Variants in PTPRQ observed in about 807,000 individuals in gnomAD.
PTPRQ encodes the protein protein tyrosine phosphatase receptor type Q.
In PTPRQ, 199 loss-of-function variants were observed where a neutral mutation model predicts 246.0. The ratio of observed to expected loss-of-function variants is 0.81; its 90% CI spans 0.72 to 0.91. The LOEUF (loss-of-function observed/expected upper bound fraction) is 0.91, where lower values mean the gene tolerates loss of function less well. Ranked by LOEUF, PTPRQ falls within the 40% of genes least tolerant of loss-of-function variation. The probability of loss-of-function intolerance (pLI) is 0.00; values close to 1 mark genes in which losing one functional copy is unlikely to be tolerated. For synonymous variants in PTPRQ, 869 were observed against 853.2 expected (o/e 1.02, Z -0.32); for missense variants, 2,624 against 2,528.4 (o/e 1.04, Z -0.81).
intron 6 of PTPRQ, among the ~76,000 whole-genome samples, chr12:80,466,748 C>G (rs28863626): frequency 0.097 from 14,680 of 152,118 alleles, 1,506 homozygotes; most frequent in African/African-American, 0.25. Flanking sequence ...GAAAAACAAG[C>G]AATGTGGAAA....
chr12:80,464,067 G>C (rs1396508531), intron 6 of PTPRQ, among the ~76,000 whole-genome samples: 3 of 151,874 alleles, frequency 2.0e-5, no homozygotes, highest in African/African-American at 7.3e-5. Context: ...AAAAGACACA[G>C]ACTGGCAAAT....
chr12:80,526,200 AT>A (rs1011404386), intron 17 of PTPRQ, among the ~76,000 whole-genome samples: 3 of 152,148 alleles, frequency 2.0e-5, no homozygotes, highest in African/African-American at 7.2e-5. Context: ...CAGGGTATGA[AT>A]TGGAACCCAG....
In PTPRQ at chr12:80,506,080, G is replaced by A. The variant is rs1369221720; in HGVS notation, c.2329G>A (p.Glu777Lys). The change falls in exon 15 of 45, where the codon GAG (glutamate) becomes AAG (lysine). Residue 777 changes from glutamate (E) to lysine (K), a missense_variant. Coordinates refer to ENST00000644991, the MANE Select transcript of PTPRQ (RefSeq NM_001145026.2). ...TYKNISSGEI[E>K]LSFLPPSSPN... ...CAAAAATATTTCTTCTGGAGAGATTGAGCTATCATTCCTTCCCCCAAGTAG... is the reference window on the plus strand; with the variant it reads ...CAAAAATATTTCTTCTGGAGAGATTAAGCTATCATTCCTTCCCCCAAGTAG... 1 of 1,546,638 alleles carries A rather than the reference G, an allele frequency of 6.5e-7. No individual in the cohort carries two copies. Among genetic ancestry groups the A allele is most frequent in the Non-Finnish European group, 8.7e-7 (1 of 1,144,898 alleles).
chr12:80,528,556 T>C (rs918035782), intron 17 of PTPRQ, among the ~76,000 whole-genome samples: 1 of 152,176 alleles, frequency 6.6e-6, no homozygotes, highest in Non-Finnish European at 1.5e-5. Context: ...TCCTCTCCTG[T>C]TGTCCTCAGA....
chr12:80,473,101 G>A (rs889119773), intron 8 of PTPRQ, among the ~76,000 whole-genome samples: 26 of 151,334 alleles, frequency 1.7e-4, no homozygotes, highest in Middle Eastern at 6.3e-3. Flanking sequence ...TCGTTCAAGC[G>A]TTTGACCATT....
In PTPRQ at chr12:80,496,236, T is replaced by G. The variant is rs1420488102; in HGVS notation, c.1991-14T>G. ...AAAAATATAGGTACTACAAATGTTC[T>G]TTTCTTCCCCTAGAACCGGAATCAT... On this transcript the variant is annotated splice_polypyrimidine_tract_variant and intron_variant, in intron 13 of 44. Transcript: ENST00000644991. 3 of 1,547,920 alleles carry G rather than the reference T, an allele frequency of 1.9e-6. No homozygotes were observed. In the Admixed American group the frequency reaches 6.0e-5, roughly 31 times the overall value.
chr12:80,461,632 T>A (rs994506253), intron 6 of PTPRQ, among the ~76,000 whole-genome samples: 13 of 150,660 alleles, frequency 8.6e-5, no homozygotes, highest in African/African-American at 3.2e-4. Flanking sequence ...TATATATAGC[T>A]GACAGATATA....
At position 80,669,407 on chromosome 12, in the gene PTPRQ, A is replaced by C. The variant is rs1900895247; in HGVS notation, c.6396A>C (p.Thr2132=). The C allele has an allele frequency of 3.2e-6, 5 of 1,549,986 alleles. No homozygotes were observed. In the African/African-American group the frequency reaches 5.5e-5, roughly 17 times the overall value. Residue 2132 remains threonine (T), a synonymous_variant, in exon 41 of 45, where the codon ACA becomes ACC. Transcript: ENST00000644991. The part of the protein sequence containing the change: ...PVTVFGDIVI[T]KLMEDVQIDW... ...CTGTCTTTGGAGATATAGTGATTAC[A>C]AAGCTAATGGAGGATGTTCAAATAG...
chr12:80,672,546 T>C (rs2121290091), intron 42 of PTPRQ, among the ~76,000 whole-genome samples: 1 of 152,162 alleles, frequency 6.6e-6, no homozygotes, highest in Middle Eastern at 3.4e-3. Context: ...TTTCTGATAA[T>C]AGGAATTTCT....
At chr12:80,564,329 T>C (rs1565789160) in intron 25 of PTPRQ, among the ~76,000 whole-genome samples, 1 of 152,190 alleles carries the variant, frequency 6.6e-6, no homozygotes, top group Non-Finnish European at 1.5e-5. Context: ...ATGTTATTAC[T>C]TGAGTGCTGC....
chr12:80,624,888 C>T (rs112680426), intron 33 of PTPRQ, among the ~76,000 whole-genome samples: 2,407 of 152,064 alleles, frequency 0.016, 68 homozygotes, highest in African/African-American at 0.054. Context: ...TAACAATAGC[C>T]GATGAACCAA....
At chr12:80,592,652 G>A (rs1173971481) in intron 26 of PTPRQ, among the ~76,000 whole-genome samples, 2 of 152,036 alleles carry the variant, frequency 1.3e-5, no homozygotes, top group Non-Finnish European at 2.9e-5. Flanking sequence ...TGGCCATGTT[G>A]CAAACTCAAA....
chr12:80,644,149 G>T (rs1899987968), intron 35 of PTPRQ, among the ~76,000 whole-genome samples: 1 of 152,094 alleles, frequency 6.6e-6, no homozygotes, highest in Non-Finnish European at 1.5e-5. Flanking sequence ...AATCACCACT[G>T]CCAACATAAA....
At chr12:80,465,786 C>T (rs1357075614) in intron 6 of PTPRQ, among the ~76,000 whole-genome samples, 5 of 152,098 alleles carry the variant, frequency 3.3e-5, no homozygotes, top group African/African-American at 4.8e-5. Flanking sequence ...GCAGAAAAGG[C>T]CTTTGACAAA....
At chr12:80,658,906 T>C (rs571589178) in intron 39 of PTPRQ, among the ~76,000 whole-genome samples, 9 of 152,158 alleles carry the variant, frequency 5.9e-5, no homozygotes, top group African/African-American at 2.2e-4. Context: ...GCTCTTGTTA[T>C]ATGACGTTCC....
intron 14 of PTPRQ, among the ~76,000 whole-genome samples, chr12:80,497,268 G>T (rs1308754568): frequency 6.6e-6 from 1 of 151,718 alleles, no homozygotes; most frequent in Non-Finnish European, 1.5e-5. Context: ...GGTCCTATCT[G>T]GGGGGTAATG....
At chr12:80,636,703 G>A (rs1245428955) in intron 35 of PTPRQ, among the ~76,000 whole-genome samples, 1 of 152,134 alleles carries the variant, frequency 6.6e-6, no homozygotes, top group Non-Finnish European at 1.5e-5. Flanking sequence ...AACACTGGTA[G>A]GCATTTTCAT....
intron 25 of PTPRQ, among the ~76,000 whole-genome samples, chr12:80,552,581 C>A (rs781277441): frequency 7.2e-6 from 1 of 138,596 alleles, no homozygotes; most frequent in Non-Finnish European, 1.5e-5. Context: ...TAATCCAAAT[C>A]GCAATGTGCA....
intron 35 of PTPRQ, among the ~76,000 whole-genome samples, chr12:80,642,793 G>A (rs1899914709): frequency 6.7e-6 from 1 of 149,318 alleles, no homozygotes; most frequent in African/African-American, 2.5e-5. Context: ...AGTGGCGGGC[G>A]CCTGTAGTCC....
Sources: allele counts gnomAD v4.1 joint callset (sites outside exome capture counted in the v4.1 genomes callset), GRCh38; gene constraint gnomAD v4.1.1; transcripts MANE v1.5; gene names NCBI Gene and HGNC (gene_info 2026-07-23, HGNC 2026-07-21).